The following HMGXB3 variants were observed in gnomAD, a reference collection of about 807,000 sequenced individuals.
HMGXB3 encodes the protein HMG domain-containing protein 3.
A neutral mutation model predicts 121.5 loss-of-function variants in HMGXB3; 45 were observed. The ratio of observed to expected loss-of-function variants is 0.37; its 90% CI spans 0.29 to 0.47. The LOEUF (loss-of-function observed/expected upper bound fraction) is 0.47. Among genes scored for constraint, HMGXB3 ranks in the 20% least tolerant of loss-of-function variants. HMGXB3 has a pLI of 0.99. For missense variants in HMGXB3, 1,376 were observed against 1,602.2 expected, an observed-to-expected ratio of 0.86 and a Z score of 2.41; for synonymous variants, 590 against 624.1, an observed-to-expected ratio of 0.95 and a Z score of 0.81.
intron 15 of HMGXB3, 106 bp downstream of exon 15, chr5:150,042,075 G>T: frequency 1.2e-6 from 1 of 858,862 alleles, no homozygotes; most frequent in Non-Finnish European, 1.7e-6. Context: ...GTCCTGTCTA[G>T]GTGAGGCAAG....
At position 150,010,343 on chromosome 5, in the gene HMGXB3, GC is replaced by G. The variant is rs1376443020; in HGVS notation, c.547del (p.Leu183TrpfsTer34). On this transcript the variant is annotated frameshift_variant, in exon 4 of 20. Transcript: ENST00000502717. ...AGCCATGCAGGCATGGCAGAGCAGTGCCTGGCTGTGGAGGCCCTGGCTGAGG... is the reference window on the plus strand; with the variant it reads ...AGCCATGCAGGCATGGCAGAGCAGTGCTGGCTGTGGAGGCCCTGGCTGAGG... ...VPSHAGMAEQ[C>X]LAVEALAEEV... 6.4e-7 allele frequency: 1 copy of G among 1,551,724 alleles called. No homozygotes were observed.
chr5:150,052,386 C>T lies in HMGXB3; in HGVS notation c.*194C>T, dbSNP rs924428893. 7 of 582,786 alleles carry T rather than the reference C, an allele frequency of 1.2e-5. No individual in the cohort carries two copies. Among genetic ancestry groups the T allele is most frequent in the African/African-American group, 1.9e-5 (1 of 53,680 alleles). 36.1% of individuals were successfully genotyped at this position (582,786 alleles called of 1,614,324 possible). A position where few individuals can be genotyped will look rare whatever the true frequency, so the allele number is the denominator to read the frequency against. On this transcript the variant is annotated 3_prime_UTR_variant, in exon 20 of 20. Coordinates refer to ENST00000502717, the MANE Select transcript of HMGXB3 (RefSeq NM_014983.3). ...CCTCAGTTCTCAACCCTCCAGGGGT[C>T]AGGAGTGGTACCAGGAAACCTCTTC...
At position 150,010,551 on chromosome 5, in the gene HMGXB3, C is replaced by T. The variant is rs1214981109; in HGVS notation, c.753C>T (p.Ser251=). 3 of 1,551,458 alleles carry T rather than the reference C, an allele frequency of 1.9e-6. No homozygotes were observed. Among genetic ancestry groups the T allele is most frequent in the Non-Finnish European group, 2.6e-6 (3 of 1,146,964 alleles). The change falls in exon 4 of 20, where the codon AGC becomes AGT. Residue 251 remains serine (S), a synonymous_variant. Transcript: ENST00000502717. ...GCTCACCAGACCTCCCCACTGGAAGCCTGGCTGTGCCCCACCCCCAGGTTG... is the reference window on the plus strand; with the variant it reads ...GCTCACCAGACCTCCCCACTGGAAGTCTGGCTGTGCCCCACCCCCAGGTTG... ...VNGSPDLPTG[S]LAVPHPQVGE... is the part of the protein sequence containing the mutation.
Position 150,024,331 on chromosome 5 carries a change from A to G in HMGXB3, c.1111A>G (p.Asn371Asp). 6.4e-7 allele frequency: 1 copy of G among 1,551,742 alleles called. No individual in the cohort carries two copies. The highest frequency in any genetic ancestry group is 8.7e-7 in the Non-Finnish European group (1 of 1,147,002). Residue 371 changes from asparagine to aspartate, a missense_variant, in exon 7 of 20, where the codon AAT (asparagine) becomes GAT (aspartate). Asn to Asp is a conservative substitution (Grantham distance 23, BLOSUM62 1). Around this residue, in one of 2 missense-constraint regions of HMGXB3, gnomAD observed 1,116 missense variants for 1,369.0 expected, o/e 0.82. Coordinates refer to ENST00000502717, the MANE Select transcript of HMGXB3 (RefSeq NM_014983.3). ...TTCCAAAGGCTCTGTGGTGAAAAGA[A>G]ATCAGCAACCTGTCACCACTGAGCA... ...VSSKGSVVKR[N>D]QQPVTTEQNS...
rs1046673337 is a variant in HMGXB3 at position 150,037,279 on chromosome 5, C to T, written c.2286-121C>T. On this transcript the variant is annotated intron_variant, in intron 12 of 19. Transcript: ENST00000502717. ...CACAGATTCCAACAAAGTGGAAATA[C>T]CTACCTAGAAAATCCTAAGCTCCAG... is the stretch of plus-strand genomic sequence containing the variant. 1.0e-5 allele frequency: 10 copies of T among 960,060 alleles called. No individual in the cohort carries two copies. The African/African-American group carries it at 1.3e-4, about 13-fold the overall frequency. 59.5% of individuals were successfully genotyped at this position (960,060 alleles called of 1,614,324 possible).
At position 150,010,498 on chromosome 5, in the gene HMGXB3, C is replaced by G. The variant is rs2113727189; in HGVS notation, c.700C>G (p.Leu234Val). The G allele has an allele frequency of 6.4e-7, 1 of 1,551,708 alleles. No individual in the cohort carries two copies. The highest frequency in any genetic ancestry group is 2.4e-5 in the East Asian group (1 of 40,928). The part of the protein sequence containing the change: ...GESHQPYQTS[L>V]VIEETLVNGS... The stretch of plus-strand genomic sequence containing the variant: ...GAGCCACCAACCTTACCAGACAAGC[C>G]TGGTAATTGAAGAGACCTTGGTGAA... The change falls in exon 4 of 20, where the codon CTG becomes GTG. Residue 234 changes from leucine to valine, a missense_variant. Coordinates refer to ENST00000502717, the MANE Select transcript of HMGXB3 (RefSeq NM_014983.3).
chr5:150,037,462 C>T lies in HMGXB3; in HGVS notation c.2348C>T (p.Ala783Val). Residue 783 changes from alanine to valine, a missense_variant, in exon 13 of 20, where the codon GCC becomes GTC. Coordinates refer to ENST00000502717, the MANE Select transcript of HMGXB3 (RefSeq NM_014983.3). ...LTASRLQTVT[A>V]QVKMCLNPHC... The stretch of plus-strand genomic sequence containing the variant: ...GCCAGCCGTCTGCAGACAGTGACTG[C>T]CCAGGTGAAGATGTGTCTGAACCCC... 1 of 1,551,310 alleles carries T rather than the reference C, an allele frequency of 6.4e-7. No homozygotes were observed. Among genetic ancestry groups the T allele is most frequent in the Non-Finnish European group, 8.7e-7 (1 of 1,146,750 alleles).
intron 2 of HMGXB3, 79 bp downstream of exon 2, chr5:150,005,068 A>G: frequency 1.4e-6 from 2 of 1,479,102 alleles, no homozygotes; most frequent in East Asian, 2.5e-5. Flanking sequence ...AAAACTTTTA[A>G]GACTCTTTGA....
rs758401904 is a variant in HMGXB3 at position 150,050,334 on chromosome 5, C to T, written c.3284C>T (p.Pro1095Leu). Residue 1095 changes from proline to leucine, a missense_variant, in exon 19 of 20, where the codon CCG becomes CTG. Pro to Leu is a moderately conservative substitution (Grantham distance 98). Coordinates refer to ENST00000502717, the MANE Select transcript of HMGXB3 (RefSeq NM_014983.3). ...VDLLASSRHW[P>L]PVYVVDMATS... is the part of the protein sequence containing the mutation. ...CTGCTTGCCTCTTCCCGCCACTGGC[C>T]GCCTGTCTATGTGGTAGATATGGCC... 2 of 1,551,874 alleles carry T rather than the reference C, an allele frequency of 1.3e-6. No individual in the cohort carries two copies. Among genetic ancestry groups the T allele is most frequent in the Non-Finnish European group, 1.7e-6 (2 of 1,147,010 alleles).
chr5:150,051,815 G>A lies in HMGXB3; in HGVS notation c.3502G>A (p.Ala1168Thr). Residue 1168 changes from alanine to threonine, a missense_variant, in exon 20 of 20, where the codon GCC becomes ACC. Around this residue, in one of 2 missense-constraint regions of HMGXB3, gnomAD observed 260 missense variants for 233.2 expected, o/e 1.11. Coordinates refer to ENST00000502717, the MANE Select transcript of HMGXB3 (RefSeq NM_014983.3). ...TATCCAGCACCCAGTCACCAAGACT[G>A]CCACGCGGCGCATCGTCCATGCAGG... is the stretch of plus-strand genomic sequence containing the variant. ...HSIQHPVTKT[A>T]TRRIVHAGLQ... 6.5e-7 allele frequency: 1 copy of A among 1,548,724 alleles called. No individual in the cohort carries two copies. Among genetic ancestry groups the A allele is most frequent in the Non-Finnish European group, 8.7e-7 (1 of 1,147,078 alleles).
At chr5:150,045,826 C>T (rs1333671396) in intron 16 of HMGXB3, 141 bp downstream of exon 16, 9 of 668,376 alleles carry the variant, frequency 1.3e-5, no homozygotes, top group East Asian at 8.1e-5. Flanking sequence ...AATAACAGCC[C>T]GTGTCAAAAT....
chr5:150,021,822 TCTC>T (rs1756101180), intron 6 of HMGXB3: 2 of 507,512 alleles, frequency 3.9e-6, no homozygotes, highest in Non-Finnish European at 7.9e-6. Context: ...GCACACATCT[TCTC>T]CAGGGATTTT....
chr5:150,040,941 A>G (rs1756617688), intron 14 of HMGXB3, 62 bp downstream of exon 14: 2 of 1,427,644 alleles, frequency 1.4e-6, no homozygotes, highest in South Asian at 1.4e-5. Context: ...ATTTTCAGTG[A>G]TGGCATTTGG....
chr5:150,051,907 A>G lies in HMGXB3; in HGVS notation c.3594A>G (p.Ala1198=), dbSNP rs1471457480. 20 of 1,551,852 alleles carry G rather than the reference A, an allele frequency of 1.3e-5. No individual in the cohort carries two copies. Among genetic ancestry groups the G allele is most frequent in the Admixed American group, 2.0e-5 (1 of 50,992 alleles). Residue 1198 remains alanine (A), a synonymous_variant, in exon 20 of 20, where the codon GCA becomes GCG. Coordinates refer to ENST00000502717, the MANE Select transcript of HMGXB3 (RefSeq NM_014983.3). ...HHSLALCPEL[A]PYATILASIV... ...CCTTGGCCCTGTGCCCTGAATTGGC[A>G]CCTTACGCAACCATCCTGGCCTCCA...
intron 16 of HMGXB3, among the ~76,000 whole-genome samples, chr5:150,047,234 T>C (rs1756777755): frequency 6.6e-6 from 1 of 152,176 alleles, no homozygotes. Flanking sequence ...CATAGTTCTC[T>C]TGTGCTAGCC....
chr5:150,005,077 G>T, intron 2 of HMGXB3, 88 bp downstream of exon 2: 1 of 1,451,474 alleles, frequency 6.9e-7, no homozygotes, highest in Non-Finnish European at 9.1e-7. Flanking sequence ...AAGACTCTTT[G>T]AAAAAGAGTG....
Position 150,052,601 on chromosome 5 carries a change from G to A in HMGXB3, c.*409G>A, listed in dbSNP as rs1208852622. On this transcript the variant is annotated 3_prime_UTR_variant, in exon 20 of 20. Coordinates refer to ENST00000502717, the MANE Select transcript of HMGXB3 (RefSeq NM_014983.3). ...GTCTCTCCCACCCCTGAGGAGCCCT[G>A]GTTTCAGCCCCCTCAGTCTGATGAA... 5.3e-6 allele frequency: 1 copy of A among 187,526 alleles called. No homozygotes were observed. The highest frequency in any genetic ancestry group is 2.3e-5 in the African/African-American group (1 of 42,724). The allele number at this position is 187,526 out of a possible 1,614,324, so 11.6% of individuals were successfully genotyped here.
rs554483609 is a variant in HMGXB3, at chr5:150,012,699, C to T, written c.909+346C>T. Reference sequence around the variant, plus strand: ...GAGCAGCCACTGATCTAATTCAATACTGTGATCGTACAGATTAGGAAAAGG... The same window carrying T: ...GAGCAGCCACTGATCTAATTCAATATTGTGATCGTACAGATTAGGAAAAGG... On this transcript the variant is annotated intron_variant, in intron 5 of 19. Coordinates refer to ENST00000502717, the MANE Select transcript of HMGXB3 (RefSeq NM_014983.3). 2.0e-4 allele frequency among the ~76,000 whole-genome samples: 31 copies of T among 152,316 alleles called. 1 individual carries two copies. The South Asian group carries it at 3.1e-3, about 15-fold the overall frequency.
At chr5:150,033,522 G>A (rs1318876055) in intron 11 of HMGXB3, among the ~76,000 whole-genome samples, 1 of 152,224 alleles carries the variant, frequency 6.6e-6, no homozygotes, top group Admixed American at 6.5e-5. Context: ...GAGTGAACAT[G>A]AAGAGTGTTC....
Sources: gnomAD v4.1 joint callset for allele counts (sites outside exome capture counted in the v4.1 genomes callset) on GRCh38, gnomAD v4.1.1 for gene constraint, gnomAD v4.1.1 regional missense constraint, MANE v1.5 for transcripts, NCBI Gene and HGNC (gene_info 2026-07-23, HGNC 2026-07-21) for gene names.